Variants in WAPL observed in about 807,000 individuals in gnomAD.
WAPL encodes the protein WAPL cohesin release factor.
WAPL carries 5 observed loss-of-function variants against 121.0 expected under a neutral mutation model. That is an observed-to-expected ratio of 0.04 (90% CI 0.02 to 0.09). The LOEUF is 0.09. Among genes scored for constraint, WAPL ranks in the 10% least tolerant of loss-of-function variants. The pLI is 1.00. For missense variants in WAPL, 999 were observed against 1,410.8 expected (o/e 0.71, Z 4.68); for synonymous variants, 480 against 481.5 (o/e 1.00, Z 0.04).
chr10:86,483,802 T>C (rs1431134972), intron 4 of WAPL, among the ~76,000 whole-genome samples: 2 of 136,404 alleles, frequency 1.5e-5, no homozygotes, highest in Admixed American at 7.3e-5. Flanking sequence ...TTCTTTTTTT[T>C]TTTTTTTTTT....
intron 2 of WAPL, among the ~76,000 whole-genome samples, chr10:86,507,051 T>A (rs1203491810): frequency 2.2e-5 from 3 of 139,200 alleles, no homozygotes; most frequent in African/African-American, 5.4e-5. Context: ...CAAAAATAAG[T>A]AAGGAAAGAT....
At chr10:86,510,703 T>C (rs1842445665) in intron 2 of WAPL, among the ~76,000 whole-genome samples, 1 of 152,246 alleles carries the variant, frequency 6.6e-6, no homozygotes, top group African/African-American at 2.4e-5. Flanking sequence ...AAAATTATAA[T>C]GCCTCTTTCA....
intron 17 of WAPL, among the ~76,000 whole-genome samples, chr10:86,438,446 G>C (rs1849381560): frequency 6.6e-6 from 1 of 152,184 alleles, no homozygotes; most frequent in East Asian, 1.9e-4. Flanking sequence ...CAGAGACGTG[G>C]TTTCATCATG....
chr10:86,481,476 C>G (rs773342603), intron 4 of WAPL, among the ~76,000 whole-genome samples: 8 of 152,078 alleles, frequency 5.3e-5, no homozygotes, highest in African/African-American at 1.9e-4. Flanking sequence ...CAGATTCATG[C>G]GATTCTCCTG....
chr10:86,488,594 A>G (rs1841975844), intron 4 of WAPL: 1 of 152,312 alleles, frequency 6.6e-6, no homozygotes, highest in Admixed American at 6.5e-5. Flanking sequence ...GGGACACATC[A>G]AAGCCAGCTT....
chr10:86,517,794 A>G lies in WAPL; in HGVS notation c.276T>C (p.Val92=). The G allele has an allele frequency of 6.2e-7, 1 of 1,614,218 alleles. No homozygotes were observed. ...TAGATTCTGAATAAGAGGAACACTT[A>G]ACCTGGGCTAAATTCTTTGAAGAAA... ...LPVSSKNLAQ[V]KCSSYSESSE... is the part of the protein sequence containing the mutation. The change falls in exon 2 of 19, where the codon GTT becomes GTC. Residue 92 remains valine (V), a synonymous_variant. Coordinates refer to ENST00000298767, the MANE Select transcript of WAPL (RefSeq NM_015045.5).
At chr10:86,474,886 T>A (rs547786362) in intron 4 of WAPL, among the ~76,000 whole-genome samples, 8 of 152,192 alleles carry the variant, frequency 5.3e-5, no homozygotes, top group Admixed American at 1.3e-4. Context: ...AGCAAACCAC[T>A]GCAGCCAGCT....
rs1420158001 is a variant in WAPL at position 86,521,767 on chromosome 10, C to T, written c.-425G>A. On this transcript the variant is annotated 5_prime_UTR_variant, in exon 1 of 19. Transcript: ENST00000298767. ...TTGCGCTCCCGGCCCCCACCTCCTT[C>T]CTCCAACAGCCGCTCGCTCCGTCAC... 9.0e-6 allele frequency: 4 copies of T among 443,124 alleles called. No individual in the cohort carries two copies. Among genetic ancestry groups the T allele is most frequent in the South Asian group, 4.9e-5 (3 of 61,460 alleles). The allele number at this position is 443,124 out of a possible 1,614,324, so 27.4% of individuals were successfully genotyped here.
chr10:86,476,816 T>G (rs1841667868), intron 4 of WAPL, among the ~76,000 whole-genome samples: 1 of 152,082 alleles, frequency 6.6e-6, no homozygotes, highest in South Asian at 2.1e-4. Flanking sequence ...ACCTACCTAA[T>G]AAAGAATATG....
intron 17 of WAPL, among the ~76,000 whole-genome samples, chr10:86,440,075 C>G (rs2132162022): frequency 6.6e-6 from 1 of 152,246 alleles, no homozygotes; most frequent in Non-Finnish European, 1.5e-5. Context: ...ACATTTCCCA[C>G]AATTTAAGAA....
At chr10:86,484,717 T>C (rs2132206539) in intron 4 of WAPL, among the ~76,000 whole-genome samples, 1 of 152,334 alleles carries the variant, frequency 6.6e-6, no homozygotes, top group Non-Finnish European at 1.5e-5. Context: ...CATTTTTATA[T>C]GTATTTTTAC....
chr10:86,461,554 AG>A (rs1419020970), intron 9 of WAPL, among the ~76,000 whole-genome samples: 1 of 152,208 alleles, frequency 6.6e-6, no homozygotes, highest in African/African-American at 2.4e-5. Flanking sequence ...TACAGTATAC[AG>A]GTCAAGTGTG....
At chr10:86,496,779 T>G (rs1460103597) in intron 4 of WAPL, among the ~76,000 whole-genome samples, 1 of 152,238 alleles carries the variant, frequency 6.6e-6, no homozygotes, top group Non-Finnish European at 1.5e-5. Flanking sequence ...ATGTTCGTCC[T>G]TTTGTATCTG....
At chr10:86,458,554 TTAA>T (rs1233750157) in intron 12 of WAPL, among the ~76,000 whole-genome samples, 1 of 152,200 alleles carries the variant, frequency 6.6e-6, no homozygotes, top group Non-Finnish European at 1.5e-5. Flanking sequence ...ATTTAACTCA[TTAA>T]TATGTATCAC....
At chr10:86,492,941 G>C (rs1478553422) in intron 4 of WAPL, among the ~76,000 whole-genome samples, 1 of 151,970 alleles carries the variant, frequency 6.6e-6, no homozygotes, top group South Asian at 2.1e-4. Flanking sequence ...GGCGCCTATA[G>C]TCCCACCTAC....
At chr10:86,505,395 T>C (rs560641618) in intron 2 of WAPL, among the ~76,000 whole-genome samples, 43 of 144,902 alleles carry the variant, frequency 3.0e-4, no homozygotes, top group South Asian at 4.6e-4. Context: ...AGTGATATTC[T>C]CCTGTCTCAA....
chr10:86,482,388 T>C (rs1487062964), intron 4 of WAPL, among the ~76,000 whole-genome samples: 1 of 152,258 alleles, frequency 6.6e-6, no homozygotes, highest in Non-Finnish European at 1.5e-5. Context: ...TGTATGTGAA[T>C]GTATGTGAAT....
At position 86,472,596 on chromosome 10, in the gene WAPL, G is replaced by A; in HGVS notation, c.1893+16C>T. 4 of 1,612,430 alleles carry A rather than the reference G, an allele frequency of 2.5e-6. No individual in the cohort carries two copies. Among genetic ancestry groups the A allele is most frequent in the Non-Finnish European group, 2.5e-6 (3 of 1,179,466 alleles). On this transcript the variant is annotated intron_variant, in intron 6 of 18. Transcript: ENST00000298767. This position sits in a 1 kb window ranked among gnomAD's most constrained non-coding sequence, Gnocchi z 4.2. ...AATCTATCAACATGCAGTAAACACT[G>A]TATATGGCTGCTTACTTCTTTGTCT...
At chr10:86,515,447 T>A (rs1320365921) in intron 2 of WAPL, among the ~76,000 whole-genome samples, 2 of 152,058 alleles carry the variant, frequency 1.3e-5, no homozygotes, top group Admixed American at 6.6e-5. Context: ...TTGAGCTTCT[T>A]ATATAAAATG....
Sources: gnomAD v4.1 joint callset for allele counts (sites outside exome capture counted in the v4.1 genomes callset) on GRCh38, gnomAD v4.1.1 for gene constraint, Gnocchi (gnomAD v3.1) non-coding constraint, MANE v1.5 for transcripts, NCBI Gene and HGNC (gene_info 2026-07-23, HGNC 2026-07-21) for gene names.